RALGDS: variants seen among roughly 807,000 people sequenced by gnomAD.
RALGDS encodes the protein ral guanine nucleotide exchange factor.
In RALGDS, 44 loss-of-function variants were observed where a neutral mutation model predicts 99.8. That is an observed-to-expected ratio of 0.44 (90% CI 0.35 to 0.57). RALGDS has a LOEUF of 0.57. Ranked by LOEUF, RALGDS falls within the 20% of genes least tolerant of loss-of-function variation. The probability of loss-of-function intolerance (pLI) is 0.01; values close to 1 mark genes in which losing one functional copy is unlikely to be tolerated. For missense variants in RALGDS, 1,022 were observed against 1,203.1 expected, an observed-to-expected ratio of 0.85 and a Z score of 2.23; for synonymous variants, 529 against 505.0, an observed-to-expected ratio of 1.05 and a Z score of -0.64.
chr9:133,137,430 G>A (rs1024974648), intron 1 of RALGDS, among the ~76,000 whole-genome samples: 3 of 152,244 alleles, frequency 2.0e-5, no homozygotes, highest in Non-Finnish European at 4.4e-5. Flanking sequence ...AATATTCGGA[G>A]GTTCTTGTGG....
At chr9:133,148,953 G>A in intron 1 of RALGDS, 1 of 1,602,214 alleles carries the variant, frequency 6.2e-7, no homozygotes, top group Non-Finnish European at 8.5e-7. Context: ...TGGGGACGGC[G>A]CGCACTCACC....
intron 12 of RALGDS, 95 bp downstream of exon 12, chr9:133,103,135 C>CA: frequency 6.6e-7 from 1 of 1,522,482 alleles, no homozygotes. Context: ...TCCCATGTCC[C>CA]ATGAATCTAA....
In RALGDS at chr9:133,109,680, C is replaced by T; in HGVS notation, c.530G>A (p.Gly177Asp). ...CDALTASSRY[G>D]CILPYSDEDG... ...CTCGTCGGAATAGGGGAGGATGCAGCCGTATCTAGAGGAGGCCGTGAGGGC... is the reference window on the plus strand; with the variant it reads ...CTCGTCGGAATAGGGGAGGATGCAGTCGTATCTAGAGGAGGCCGTGAGGGC... The change falls in exon 4 of 18, where the codon GGC becomes GAC. Residue 177 changes from glycine to aspartate, a missense_variant. Gly to Asp is a moderately conservative substitution (Grantham distance 94, BLOSUM62 -1). This residue lies in a region of RALGDS where 825 missense variants were observed against 994.5 expected (regional missense o/e 0.83). Coordinates refer to ENST00000372050, the MANE Select transcript of RALGDS (RefSeq NM_006266.4). 6.2e-7 allele frequency: 1 copy of T among 1,614,004 alleles called. No individual in the cohort carries two copies. The highest frequency in any genetic ancestry group is 8.5e-7 in the Non-Finnish European group (1 of 1,179,994).
rs1831928973 is a variant in RALGDS, at chr9:133,121,238, G to A, written c.-84C>T. ...GCCCGCGCGGCTGGGCTTTGCCACC[G>A]CTGTGAGCCCGCGGCCCGGCCCTGC... On this transcript the variant is annotated 5_prime_UTR_variant, in exon 1 of 18. Coordinates refer to ENST00000372050, the MANE Select transcript of RALGDS (RefSeq NM_006266.4). 3 of 981,518 alleles carry A rather than the reference G, an allele frequency of 3.1e-6. No individual in the cohort carries two copies. Among genetic ancestry groups the A allele is most frequent in the Non-Finnish European group, 3.6e-6 (3 of 827,288 alleles). 60.8% of individuals were successfully genotyped at this position (981,518 alleles called of 1,614,324 possible).
intron 1 of RALGDS, among the ~76,000 whole-genome samples, chr9:133,141,478 C>A (rs1286991178): frequency 1.3e-5 from 2 of 152,012 alleles, no homozygotes; most frequent in East Asian, 3.9e-4. Context: ...TTTCTTACAC[C>A]CTCACAGCAA....
intron 1 of RALGDS, among the ~76,000 whole-genome samples, chr9:133,141,809 G>C: frequency 6.6e-6 from 1 of 152,370 alleles, no homozygotes; most frequent in Middle Eastern, 3.4e-3. Context: ...GGAAACTGAG[G>C]CCAGCGAGAA....
intron 1 of RALGDS, chr9:133,129,272 C>A: frequency 1.9e-6 from 3 of 1,595,966 alleles, no homozygotes; most frequent in Non-Finnish European, 2.5e-6. Flanking sequence ...CTTCCTCCCC[C>A]TGGGCACGGC....
At chr9:133,099,222 C>G (rs905761016) in intron 17 of RALGDS, 4 of 171,306 alleles carry the variant, frequency 2.3e-5, no homozygotes, top group African/African-American at 4.8e-5. Flanking sequence ...GCAAGCACTT[C>G]CTTTTGGCTC....
At chr9:133,111,946 G>GAAA in intron 2 of RALGDS, 96 bp downstream of exon 2, 1 of 949,842 alleles carries the variant, frequency 1.1e-6, no homozygotes, top group Non-Finnish European at 1.6e-6. Context: ...AGTGAAGGCC[G>GAAA]TTTCCTTTGG....
At chr9:133,139,876 G>T (rs1047769155) in intron 1 of RALGDS, among the ~76,000 whole-genome samples, 1 of 152,160 alleles carries the variant, frequency 6.6e-6, no homozygotes, top group Admixed American at 6.5e-5. Flanking sequence ...GGCCCACAGA[G>T]GAGGCAATGG....
At chr9:133,131,898 G>C (rs914169475), upstream of RALGDS, among the ~76,000 whole-genome samples, 1 of 152,220 alleles carries the variant, frequency 6.6e-6, no homozygotes, top group African/African-American at 2.4e-5. Flanking sequence ...ACTCAGCATG[G>C]GCTCGGCTCA....
upstream of RALGDS, among the ~76,000 whole-genome samples, chr9:133,132,214 C>T (rs1832346201): frequency 6.6e-6 from 1 of 152,344 alleles, no homozygotes; most frequent in South Asian, 2.1e-4. Context: ...GGCCCGGTCC[C>T]GGGAGAGGGG....
At position 133,121,018 on chromosome 9, in the gene RALGDS, A is replaced by C; in HGVS notation, c.137T>G (p.Val46Gly). 6.7e-7 allele frequency: 1 copy of C among 1,497,276 alleles called. No individual in the cohort carries two copies. Among genetic ancestry groups the C allele is most frequent in the Non-Finnish European group, 8.9e-7 (1 of 1,129,904 alleles). The allele number at this position is 1,497,276 out of a possible 1,614,324, so 92.7% of individuals were successfully genotyped here. Residue 46 changes from valine to glycine, a missense_variant, in exon 1 of 18, where the codon GTG (valine) becomes GGG (glycine). Val to Gly is a moderately radical substitution (Grantham distance 109, BLOSUM62 -3). Transcript: ENST00000372050. ...EVGVPDSCPV[V>G]LHSFTQLDPD... ...GTCTAGCTGCGTGAAGCTGTGCAGCACCACCGGGCAGCTGTCGGGGACGCC... is the reference window on the plus strand; with the variant it reads ...GTCTAGCTGCGTGAAGCTGTGCAGCCCCACCGGGCAGCTGTCGGGGACGCC...
chr9:133,108,085 G>C lies in RALGDS; in HGVS notation c.1100C>G (p.Ser367Ter). The C allele has an allele frequency of 6.2e-7, 1 of 1,613,710 alleles. No individual in the cohort carries two copies. The highest frequency in any genetic ancestry group is 8.5e-7 in the Non-Finnish European group (1 of 1,180,040). Residue 367 changes from serine (S) to a stop codon, truncating the protein, a stop_gained, in exon 6 of 18, where the codon TCA becomes TGA. Transcript: ENST00000372050. LOFTEE classifies it high-confidence loss of function. ...CAGCCCGTTCTCTGCAACCACAGGT[G>C]AAGGCCAGGAAGGCTGTAATGATGG... ...PVPSLQPSWP[S>*]PVVAENGLSE...
chr9:133,146,171 T>C (rs1364940382), intron 1 of RALGDS, among the ~76,000 whole-genome samples: 4 of 147,232 alleles, frequency 2.7e-5, no homozygotes, highest in Middle Eastern at 3.4e-3. Flanking sequence ...ATGGCTCCCA[T>C]GATGTTTGTT....
At position 133,121,223 on chromosome 9, in the gene RALGDS, C is replaced by T; in HGVS notation, c.-69G>A. 3.0e-6 allele frequency: 3 copies of T among 985,980 alleles called. No homozygotes were observed. The highest frequency in any genetic ancestry group is 3.6e-6 in the Non-Finnish European group (3 of 832,152). 61.1% of individuals were successfully genotyped at this position (985,980 alleles called of 1,614,324 possible). On this transcript the variant is annotated 5_prime_UTR_variant, in exon 1 of 18. Coordinates refer to ENST00000372050, the MANE Select transcript of RALGDS (RefSeq NM_006266.4). Reference sequence around the variant, plus strand: ...GGGGGCGGCGGCGCGGCCCGCGCGGCTGGGCTTTGCCACCGCTGTGAGCCC... The same window carrying T: ...GGGGGCGGCGGCGCGGCCCGCGCGGTTGGGCTTTGCCACCGCTGTGAGCCC...
At chr9:133,100,505 C>T in intron 16 of RALGDS, 123 bp from the exon 17 acceptor site, 2 of 1,581,756 alleles carry the variant, frequency 1.3e-6, no homozygotes, top group South Asian at 2.2e-5. Context: ...CAGCCTCTGG[C>T]CAGGTGCTGG....
At chr9:133,133,936 G>T (rs183799286), upstream of RALGDS, among the ~76,000 whole-genome samples, 1 of 152,120 alleles carries the variant, frequency 6.6e-6, no homozygotes, top group African/African-American at 2.4e-5. Context: ...GTGACTCCTC[G>T]CGAAGCTGTT....
chr9:133,143,927 A>C (rs112559797), intron 1 of RALGDS, among the ~76,000 whole-genome samples: 2,764 of 151,672 alleles, frequency 0.018, 92 homozygotes, highest in African/African-American at 0.061. Context: ...CGGGGACCTG[A>C]CCCCTGCTCC....
Sources: allele counts gnomAD v4.1 joint callset (sites outside exome capture counted in the v4.1 genomes callset), GRCh38; gene constraint gnomAD v4.1.1; regional missense constraint gnomAD v4.1.1; transcripts MANE v1.5; gene names NCBI Gene and HGNC (gene_info 2026-07-23, HGNC 2026-07-21).